Variants in PARG observed in about 807,000 individuals in gnomAD.
The protein encoded by PARG is mitochondrial poly(ADP-ribose) glycohydrolase.
Under a neutral mutation model 113.0 loss-of-function variants are expected in PARG, and 35 were observed. That is an observed-to-expected ratio of 0.31 (90% CI 0.24 to 0.41). The LOEUF (loss-of-function observed/expected upper bound fraction) is 0.41, where lower values mean the gene tolerates loss of function less well. PARG is among the 10% of genes least tolerant of loss of function. The pLI, the probability that PARG is intolerant of heterozygous loss-of-function variation, is 1.00. For missense variants in PARG, 797 were observed against 1,169.4 expected, an observed-to-expected ratio of 0.68 and a Z score of 4.64; for synonymous variants, 330 against 409.9, an observed-to-expected ratio of 0.81 and a Z score of 2.36.
intron 7 of PARG, among the ~76,000 whole-genome samples, chr10:49,889,277 T>C (rs1399835633): frequency 4.6e-5 from 7 of 152,120 alleles, no homozygotes; most frequent in African/African-American, 7.2e-5. Context: ...ATTTGGATAT[T>C]TGGGGTATTA....
chr10:49,846,157 G>C (rs1185279446), intron 13 of PARG, among the ~76,000 whole-genome samples: 1 of 150,710 alleles, frequency 6.6e-6, no homozygotes, highest in Non-Finnish European at 1.5e-5. Flanking sequence ...TAATAAAAGG[G>C]ATAGAACCAC....
In PARG at chr10:49,927,119, C is replaced by T. The variant is rs183734539; in HGVS notation, c.1456-4450G>A. Reference sequence around the variant, plus strand: ...GTTAAGAGATCAAGACCATCCTGGCCAACATGGTGAAACCTCATCTCTACT... The same window carrying T: ...GTTAAGAGATCAAGACCATCCTGGCTAACATGGTGAAACCTCATCTCTACT... On this transcript the variant is annotated intron_variant, in intron 4 of 17. Coordinates refer to ENST00000616448, the MANE Select transcript of PARG (RefSeq NM_003631.5). Among the ~76,000 whole-genome samples, 433 of 152,058 alleles carry T rather than the reference C, an allele frequency of 2.8e-3. 2 individuals are homozygous for T. The highest frequency in any genetic ancestry group is 9.8e-3 in the African/African-American group (407 of 41,462).
Position 49,879,192 on chromosome 10 carries a change from T to C in PARG, c.1988+481A>G, listed in dbSNP as rs188734276. On this transcript the variant is annotated intron_variant, in intron 9 of 17. Transcript: ENST00000616448. ...GGTCAAAATCACCTTTCACTTTTCA[T>C]CAAAACAATTACATTTTTCAAGTCT... Among the ~76,000 whole-genome samples the C allele has an allele frequency of 2.3e-3, 345 of 152,324 alleles. 4 individuals carry two copies. The highest frequency in any genetic ancestry group is 7.5e-3 in the African/African-American group (310 of 41,564).
chr10:49,846,154 A>T (rs1554833299), intron 13 of PARG, among the ~76,000 whole-genome samples: 2 of 151,618 alleles, frequency 1.3e-5, no homozygotes, highest in East Asian at 3.9e-4. Context: ...TAGTAATAAA[A>T]GGGATAGAAC....
At chr10:49,932,400 T>C (rs1838536130) in intron 3 of PARG, 117 bp from the exon 4 acceptor site, 1 of 687,164 alleles carries the variant, frequency 1.5e-6, no homozygotes, top group African/African-American at 1.8e-5. Context: ...ACTTGGTCAC[T>C]CACTTCGTTA....
chr10:49,886,764 GA>G (rs1428414890), intron 7 of PARG, among the ~76,000 whole-genome samples: 1 of 152,160 alleles, frequency 6.6e-6, no homozygotes, highest in Non-Finnish European at 1.5e-5. Flanking sequence ...TGGTAGTGGA[GA>G]AAGTGAGAAT....
In PARG at chr10:49,941,630, G is replaced by A; in HGVS notation, c.96C>T (p.Pro32=). 2.5e-6 allele frequency: 4 copies of A among 1,596,200 alleles called. No homozygotes were observed. The South Asian group carries it at 4.6e-5, about 18-fold the overall frequency. ...GGTCGAGGACGCGCCTCTGCCTGCT[G>A]GGAAAGCTCCGGGCGTCCGAAGCAG... ...SPAASDARSF[P]SRQRRVLDPK... is the part of the protein sequence containing the mutation. Residue 32 remains proline (P), a synonymous_variant, in exon 1 of 18, where the codon CCC becomes CCT. Coordinates refer to ENST00000616448, the MANE Select transcript of PARG (RefSeq NM_003631.5).
intron 1 of PARG, among the ~76,000 whole-genome samples, chr10:49,939,235 C>T (rs1455770001): frequency 1.3e-5 from 2 of 152,214 alleles, no homozygotes. Flanking sequence ...AATTTTAAAT[C>T]CATCCCTTCC....
At chr10:49,848,273 T>C (rs1845603447) in intron 13 of PARG, among the ~76,000 whole-genome samples, 1 of 149,436 alleles carries the variant, frequency 6.7e-6, no homozygotes, top group Non-Finnish European at 1.5e-5. Flanking sequence ...CACTTGAACC[T>C]GGAGGGTGGA....
Position 49,867,163 on chromosome 10 carries a change from A to T in PARG, c.2069-1782T>A, listed in dbSNP as rs1428180094. Reference sequence around the variant, plus strand: ...AACACTATCAGCCTGATACCATCTGAATTAATCCTTTGTGGCAGGCCTTTG... The same window carrying T: ...AACACTATCAGCCTGATACCATCTGTATTAATCCTTTGTGGCAGGCCTTTG... On this transcript the variant is annotated intron_variant, in intron 10 of 17. Coordinates refer to ENST00000616448, the MANE Select transcript of PARG (RefSeq NM_003631.5). 3 of 151,022 alleles carry T rather than the reference A, an allele frequency of 2.0e-5. No individual in the cohort carries two copies. The East Asian group carries it at 5.8e-4, about 29-fold the overall frequency. The allele number at this position is 151,022 out of a possible 1,614,324, so 9.4% of individuals were successfully genotyped here. A position where few individuals can be genotyped will look rare whatever the true frequency, so the allele number is the denominator to read the frequency against.
At chr10:49,920,439 C>A in intron 6 of PARG, among the ~76,000 whole-genome samples, 3 of 90,138 alleles carry the variant, frequency 3.3e-5, no homozygotes, top group African/African-American at 4.1e-5. Context: ...GGAGCAAGAC[C>A]CAGCCTCAAA....
At chr10:49,853,208 T>C (rs1554834506) in intron 13 of PARG, among the ~76,000 whole-genome samples, 5 of 151,790 alleles carry the variant, frequency 3.3e-5, no homozygotes. Context: ...TAATTTTTTT[T>C]TGTATGTTTA....
intron 7 of PARG, among the ~76,000 whole-genome samples, chr10:49,887,645 A>T (rs1847561998): frequency 6.6e-6 from 1 of 152,202 alleles, no homozygotes; most frequent in Non-Finnish European, 1.5e-5. Context: ...ATTACTAAGT[A>T]GAATTCCATG....
intron 16 of PARG, among the ~76,000 whole-genome samples, chr10:49,828,040 A>G (rs1321465018): frequency 2.1e-5 from 3 of 145,600 alleles, no homozygotes; most frequent in African/African-American, 7.6e-5. Flanking sequence ...CATTTGAGGC[A>G]GAAGCCCCCC....
intron 16 of PARG, among the ~76,000 whole-genome samples, chr10:49,831,952 T>A (rs1844690247): frequency 6.6e-6 from 1 of 152,128 alleles, no homozygotes; most frequent in Non-Finnish European, 1.5e-5. Context: ...GGCAGTCTTG[T>A]GGACTCTGTT....
At chr10:49,834,909 G>T (rs1844842751) in intron 15 of PARG, among the ~76,000 whole-genome samples, 1 of 152,084 alleles carries the variant, frequency 6.6e-6, no homozygotes, top group Non-Finnish European at 1.5e-5. Context: ...TAGAATAACT[G>T]GTTATAATGA....
chr10:49,933,605 C>T lies in PARG; in HGVS notation c.843G>A (p.Leu281=). The T allele has an allele frequency of 6.2e-7, 1 of 1,610,636 alleles. No homozygotes were observed. The highest frequency in any genetic ancestry group is 8.5e-7 in the Non-Finnish European group (1 of 1,176,960). Residue 281 remains leucine (L), a synonymous_variant, in exon 3 of 18, where the codon TTG becomes TTA. Transcript: ENST00000616448. ...TTCCTAGGCAACTTTCTTGTCTAGT[C>T]AATTTGTTGTCATTTTTTGGCCCAG... ...VGTGPKNDNK[L]TRQESCLGNS...
At chr10:49,868,670 T>G (rs1846641580) in intron 10 of PARG, among the ~76,000 whole-genome samples, 1 of 152,230 alleles carries the variant, frequency 6.6e-6, no homozygotes, top group Non-Finnish European at 1.5e-5. Flanking sequence ...TGACCTTACC[T>G]ACTTAGCACA....
At chr10:49,912,172 T>TG (rs1415613931) in intron 7 of PARG, among the ~76,000 whole-genome samples, 4 of 151,908 alleles carry the variant, frequency 2.6e-5, no homozygotes, top group Non-Finnish European at 5.9e-5. Context: ...TGGTGGTGCA[T>TG]GCCTGTAGTC....
Sources: gnomAD v4.1 joint callset for allele counts (sites outside exome capture counted in the v4.1 genomes callset) on GRCh38, gnomAD v4.1.1 for gene constraint, MANE v1.5 for transcripts, NCBI Gene and HGNC (gene_info 2026-07-23, HGNC 2026-07-21) for gene names.